Variants in PLCL2 observed in about 807,000 individuals in gnomAD.
The protein encoded by PLCL2 is phospholipase C like 2.
Under a neutral mutation model 79.6 loss-of-function variants are expected in PLCL2, and 4 were observed. The ratio of observed to expected loss-of-function variants is 0.05; its 90% CI spans 0.02 to 0.11. The LOEUF (loss-of-function observed/expected upper bound fraction) is 0.11. Among genes scored for constraint, PLCL2 ranks in the 10% least tolerant of loss-of-function variants. PLCL2 has a pLI of 1.00. For synonymous variants in PLCL2, 484 were observed against 457.7 expected (o/e 1.06, Z -0.73); for missense variants, 895 against 1,291.0 (o/e 0.69, Z 4.70).
rs1015679281 is a variant in PLCL2 at position 17,051,344 on chromosome 3, A to G, written c.3094+8395A>G. Among the ~76,000 whole-genome samples, 8 of 152,216 alleles carry G rather than the reference A, an allele frequency of 5.3e-5. 1 individual carries two copies. The East Asian group carries it at 9.6e-4, about 18-fold the overall frequency. On this transcript the variant is annotated intron_variant, in intron 4 of 5. Transcript: ENST00000615277. ...GTAACACAAATGATAAATGCTTATT[A>G]AGTGGATAGATATTCCATTTTCCAT...
rs755734000 is a variant in PLCL2 at position 17,010,779 on chromosome 3, C to T, written c.1433C>T (p.Pro478Leu). ...RSVELDVWDG[P>L]DNEPVIYTGH... The stretch of plus-strand genomic sequence containing the variant: ...GTTGAATTAGATGTATGGGATGGGC[C>T]GGACAATGAACCTGTAATTTACACA... The change falls in exon 2 of 6, where the codon CCG becomes CTG. Residue 478 changes from proline (P) to leucine (L), a missense_variant. Pro to Leu is a moderately conservative substitution (Grantham distance 98). Transcript: ENST00000615277. This position sits in a 1 kb window ranked among gnomAD's most constrained non-coding sequence, Gnocchi z 5.8. 8.1e-6 allele frequency: 13 copies of T among 1,613,974 alleles called. No homozygotes were observed. The highest frequency in any genetic ancestry group is 1.1e-5 in the Non-Finnish European group (13 of 1,180,028).
intron 1 of PLCL2, among the ~76,000 whole-genome samples, chr3:16,974,230 C>T (rs1053404915): frequency 6.6e-6 from 1 of 151,910 alleles, no homozygotes; most frequent in Non-Finnish European, 1.5e-5. Context: ...GGAGGGAAAA[C>T]GTTAAAGAGT....
At chr3:17,025,819 T>G (rs898859686) in intron 3 of PLCL2, among the ~76,000 whole-genome samples, 2 of 152,226 alleles carry the variant, frequency 1.3e-5, no homozygotes, top group African/African-American at 4.8e-5. Context: ...GAAGCTCATA[T>G]TTTGTTGTTA....
chr3:16,917,116 A>T (rs747634666), intron 1 of PLCL2, among the ~76,000 whole-genome samples: 57 of 152,050 alleles, frequency 3.7e-4, no homozygotes, highest in Non-Finnish European at 6.9e-4. Context: ...TCACATCCGG[A>T]TGTACATAGG....
chr3:17,035,068 C>G (rs7648912), intron 3 of PLCL2, among the ~76,000 whole-genome samples: 54,613 of 151,992 alleles, frequency 0.36, 10,363 homozygotes, highest in East Asian at 0.54. Flanking sequence ...TTTAAAATTT[C>G]TCCCTCAGAA....
At chr3:17,060,980 G>A (rs1231462899) in intron 4 of PLCL2, among the ~76,000 whole-genome samples, 1 of 152,166 alleles carries the variant, frequency 6.6e-6, no homozygotes, top group Non-Finnish European at 1.5e-5. Context: ...GGACAGCAAA[G>A]TAAATTTTCA....
chr3:17,079,162 C>A (rs1695158084), intron 5 of PLCL2, among the ~76,000 whole-genome samples: 1 of 152,192 alleles, frequency 6.6e-6, no homozygotes, highest in Non-Finnish European at 1.5e-5. Flanking sequence ...CTCTCACGCC[C>A]ATGGCCCAGC....
intron 3 of PLCL2, among the ~76,000 whole-genome samples, chr3:17,024,644 T>C (rs1232683189): frequency 6.6e-6 from 1 of 152,206 alleles, no homozygotes. Flanking sequence ...GCTTTCCATG[T>C]GTGGTAATTT....
intron 4 of PLCL2, among the ~76,000 whole-genome samples, chr3:17,063,382 T>C (rs2064975723): frequency 6.9e-6 from 1 of 144,840 alleles, no homozygotes; most frequent in Non-Finnish European, 1.5e-5. Flanking sequence ...ATAATGACCC[T>C]CTAATGCCTA....
intron 1 of PLCL2, among the ~76,000 whole-genome samples, chr3:16,955,653 C>T (rs1416422956): frequency 7.9e-5 from 12 of 151,840 alleles, no homozygotes; most frequent in African/African-American, 1.9e-4. Context: ...GTTCTTCCTA[C>T]CCATGAGCAT....
chr3:17,054,566 T>G (rs2064874769), intron 4 of PLCL2, among the ~76,000 whole-genome samples: 1 of 152,068 alleles, frequency 6.6e-6, no homozygotes, highest in Non-Finnish European at 1.5e-5. Flanking sequence ...CATCTTCACA[T>G]GGCCCAAGCA....
At chr3:17,040,157 A>C (rs1349235407) in intron 3 of PLCL2, among the ~76,000 whole-genome samples, 1 of 152,156 alleles carries the variant, frequency 6.6e-6, no homozygotes, top group African/African-American at 2.4e-5. Context: ...TCTAGGGTAC[A>C]TGTGCTTCAT....
In PLCL2 at chr3:16,936,688, G is replaced by C. The variant is rs1056679933; in HGVS notation, c.327+51322G>C. Among the ~76,000 whole-genome samples, 58 of 152,194 alleles carry C rather than the reference G, an allele frequency of 3.8e-4. 1 individual carries two copies. Among genetic ancestry groups the C allele is most frequent in the African/African-American group, 1.3e-3 (54 of 41,512 alleles). On this transcript the variant is annotated intron_variant, in intron 1 of 5. Transcript: ENST00000615277. ...GTGCATAGATATTTTTAAGGCTGTA[G>C]ATATTAACTATGAAAATAATATATA...
At chr3:16,905,270 T>A (rs1000913789) in intron 1 of PLCL2, among the ~76,000 whole-genome samples, 1 of 152,164 alleles carries the variant, frequency 6.6e-6, no homozygotes, top group Non-Finnish European at 1.5e-5. Flanking sequence ...CACACTTCTT[T>A]ACACATGCTA....
rs1287132795 is a variant in PLCL2 at position 16,996,376 on chromosome 3, C to CT, written c.328-13298_328-13297insT. On this transcript the variant is annotated intron_variant, in intron 1 of 5. Transcript: ENST00000615277. Reference sequence around the variant, plus strand: ...ACCCAGGAAGGAAGAGAGTAGACCACCCTCTTCCCTTCCAGCCTCCAGCTG... The same window carrying CT: ...ACCCAGGAAGGAAGAGAGTAGACCACTCCTCTTCCCTTCCAGCCTCCAGCTG... Among the ~76,000 whole-genome samples the CT allele has an allele frequency of 1.6e-4, 24 of 152,148 alleles. No individual in the cohort carries two copies. In the South Asian group the frequency reaches 2.3e-3, roughly 15 times the overall value.
At chr3:16,916,425 A>G (rs368445216) in intron 1 of PLCL2, among the ~76,000 whole-genome samples, 1 of 152,198 alleles carries the variant, frequency 6.6e-6, no homozygotes, top group African/African-American at 2.4e-5. Context: ...AAAATGGCCC[A>G]TAGCATAGAG....
chr3:16,893,804 A>G (rs528090730), intron 1 of PLCL2, among the ~76,000 whole-genome samples: 2 of 152,348 alleles, frequency 1.3e-5, no homozygotes, highest in South Asian at 2.1e-4. Flanking sequence ...TACACATGCT[A>G]TACTTGTGTA....
At chr3:17,014,933 T>TAC in intron 3 of PLCL2, 22 bp downstream of exon 3, 1 of 1,587,414 alleles carries the variant, frequency 6.3e-7, no homozygotes, top group Non-Finnish European at 8.6e-7. Context: ...TTTGTCCGTT[T>TAC]ACATAGCCTG....
Position 17,083,731 on chromosome 3 carries a change from G to A in PLCL2, c.3205-6002G>A, listed in dbSNP as rs528389622. Among the ~76,000 whole-genome samples the A allele has an allele frequency of 2.0e-5, 3 of 152,290 alleles. No individual in the cohort carries two copies. The South Asian group carries it at 6.2e-4, about 32-fold the overall frequency. On this transcript the variant is annotated intron_variant, in intron 5 of 5. Coordinates refer to ENST00000615277, the MANE Select transcript of PLCL2 (RefSeq NM_001144382.2). ...GTGACACTAGGACCTACTGACAGAT[G>A]GGATGATAGATGGAAGAAAAAGGGA... is the stretch of plus-strand genomic sequence containing the variant.
Sources: allele counts gnomAD v4.1 joint callset (sites outside exome capture counted in the v4.1 genomes callset), GRCh38; gene constraint gnomAD v4.1.1; non-coding constraint Gnocchi (gnomAD v3.1); transcripts MANE v1.5; gene names NCBI Gene and HGNC (gene_info 2026-07-23, HGNC 2026-07-21).